The following YKT6 variants were observed in gnomAD, a reference collection of about 807,000 sequenced individuals.
YKT6 encodes synaptobrevin homolog YKT6.
A neutral mutation model predicts 29.3 loss-of-function variants in YKT6; 12 were observed. The ratio of observed to expected loss-of-function variants is 0.41; its 90% CI spans 0.26 to 0.66. YKT6 has a LOEUF of 0.66. Ranked by LOEUF, YKT6 falls within the 30% of genes least tolerant of loss-of-function variation. The probability of loss-of-function intolerance (pLI) is 0.32; values close to 1 mark genes in which losing one functional copy is unlikely to be tolerated. For synonymous variants in YKT6, 86 were observed against 94.3 expected (o/e 0.91, Z 0.51); for missense variants, 188 against 243.8 (o/e 0.77, Z 1.52).
chr7:44,210,077 GT>G (rs931137366), intron 5 of YKT6, among the ~76,000 whole-genome samples: 3 of 150,560 alleles, frequency 2.0e-5, no homozygotes, highest in African/African-American at 7.3e-5. Context: ...TATAAAACTT[GT>G]TTTTTTTTCA....
chr7:44,207,459 C>T lies in YKT6; in HGVS notation c.360C>T (p.Tyr120=), dbSNP rs753555118. Residue 120 remains tyrosine, a synonymous_variant, in exon 4 of 7, where the codon TAC becomes TAT. Transcript: ENST00000223369. ...WPVGSPATIH[Y]PALDGHLSRY... ...TAGGATCCCCTGCTACAATCCATTA[C>T]CCAGCCCTGGATGGTCACCTCAGTA... 1 of 1,614,120 alleles carries T rather than the reference C, an allele frequency of 6.2e-7. No homozygotes were observed. The highest frequency in any genetic ancestry group is 1.7e-5 in the Admixed American group (1 of 60,030).
intron 3 of YKT6, 97 bp downstream of exon 3, chr7:44,206,582 T>C: frequency 9.5e-7 from 1 of 1,057,192 alleles, no homozygotes; most frequent in South Asian, 1.3e-5. Flanking sequence ...ACATAAGGGA[T>C]GAAATGATGT....
In YKT6 at chr7:44,211,008, T is replaced by G. The variant is rs769225599; in HGVS notation, c.460-15T>G. 10 of 1,613,492 alleles carry G rather than the reference T, an allele frequency of 6.2e-6. No homozygotes were observed. The highest frequency in any genetic ancestry group is 8.5e-6 in the Non-Finnish European group (10 of 1,179,802). On this transcript the variant is annotated splice_polypyrimidine_tract_variant and intron_variant, in intron 5 of 6. Transcript: ENST00000223369. ...GTACTGAACAGAGCTGGATTCTCTTTTCTTTTTTGTCCAGCACAACACCAT... is the reference window on the plus strand; with the variant it reads ...GTACTGAACAGAGCTGGATTCTCTTGTCTTTTTTGTCCAGCACAACACCAT...
rs2096334596 is a variant in YKT6, at chr7:44,200,995, G to C, written c.-141G>C. On this transcript the variant is annotated 5_prime_UTR_variant, in exon 1 of 7. Transcript: ENST00000223369. Reference sequence around the variant, plus strand: ...CCGGAAGTGGATTGCGAGCCAGGAGGAGGAAGCCGGCGGTGGCCCCGTCAG... The same window carrying C: ...CCGGAAGTGGATTGCGAGCCAGGAGCAGGAAGCCGGCGGTGGCCCCGTCAG... 1.1e-5 allele frequency: 7 copies of C among 610,400 alleles called. No homozygotes were observed. In the South Asian group the frequency reaches 1.5e-4, roughly 13 times the overall value. The allele number at this position is 610,400 out of a possible 1,614,324, so 37.8% of individuals were successfully genotyped here. A position where few individuals can be genotyped will look rare whatever the true frequency, so the allele number is the denominator to read the frequency against.
chr7:44,208,310 C>T, intron 5 of YKT6, 112 bp downstream of exon 5: 1 of 1,208,800 alleles, frequency 8.3e-7, no homozygotes, highest in Non-Finnish European at 1.2e-6. Flanking sequence ...CCACGGCACT[C>T]TCCAGCAAGT....
intron 2 of YKT6, 28 bp from the exon 3 acceptor site, chr7:44,206,357 C>G: frequency 6.2e-7 from 1 of 1,607,596 alleles, no homozygotes; most frequent in Non-Finnish European, 8.5e-7. Context: ...ATGTCAGCAT[C>G]CATGTGTCTG....
At chr7:44,206,621 C>T in intron 3 of YKT6, 136 bp downstream of exon 3, 2 of 813,414 alleles carry the variant, frequency 2.5e-6, no homozygotes. Flanking sequence ...TTTCAGCCCC[C>T]TTCCCTGCAA....
chr7:44,211,711 C>A, intron 6 of YKT6: 1 of 729,774 alleles, frequency 1.4e-6, no homozygotes, highest in South Asian at 5.9e-5. Context: ...CTTTCATGTG[C>A]ACATTGGAGG....
chr7:44,205,668 A>G (rs975642088), intron 2 of YKT6, among the ~76,000 whole-genome samples: 4 of 152,088 alleles, frequency 2.6e-5, no homozygotes, highest in African/African-American at 9.7e-5. Flanking sequence ...TTCCTTGGGG[A>G]TATGGTTAGC....
In YKT6 at chr7:44,204,495, C is replaced by G. The variant is rs1380024924; in HGVS notation, c.105-73C>G. On this transcript the variant is annotated intron_variant, in intron 1 of 6. Transcript: ENST00000223369. ...GCAATGTCTACTTAATGTATAAGCC[C>G]AGAGGTCACTTTCCACTGTGTTGGG... 3 of 1,471,140 alleles carry G rather than the reference C, an allele frequency of 2.0e-6. No homozygotes were observed. In the Admixed American group the frequency reaches 5.4e-5, roughly 26 times the overall value. The allele number at this position is 1,471,140 out of a possible 1,614,324, so 91.1% of individuals were successfully genotyped here.
intron 1 of YKT6, among the ~76,000 whole-genome samples, chr7:44,204,062 C>T (rs2096338484): frequency 6.6e-6 from 1 of 152,184 alleles, no homozygotes; most frequent in South Asian, 2.1e-4. Flanking sequence ...GTTCTGTGGA[C>T]GAGCCCCAGC....
rs1259576767 is a variant in YKT6 at position 44,201,108 on chromosome 7, C to G, written c.-28C>G. ...CCTGAGAACGGGTCCCGCAGCTGGG[C>G]AGGCGGGCGGCCTGAGGGCGCGGAG... On this transcript the variant is annotated 5_prime_UTR_variant, in exon 1 of 7. Transcript: ENST00000223369. 1 of 1,546,182 alleles carries G rather than the reference C, an allele frequency of 6.5e-7. No individual in the cohort carries two copies. Among genetic ancestry groups the G allele is most frequent in the African/African-American group, 1.4e-5 (1 of 70,350 alleles).
chr7:44,202,363 G>C (rs1397952074), intron 1 of YKT6, among the ~76,000 whole-genome samples: 1 of 152,136 alleles, frequency 6.6e-6, no homozygotes, highest in Non-Finnish European at 1.5e-5. Flanking sequence ...TAGATTGATA[G>C]TGTTGTGCAG....
chr7:44,211,248 C>A, intron 6 of YKT6, 124 bp downstream of exon 6: 1 of 922,994 alleles, frequency 1.1e-6, no homozygotes. Flanking sequence ...GTGGATGATT[C>A]CTTGTGCGGC....
intron 3 of YKT6, 74 bp from the exon 4 acceptor site, chr7:44,207,313 AG>A: frequency 7.6e-6 from 10 of 1,323,192 alleles, no homozygotes; most frequent in Non-Finnish European, 9.7e-6. Context: ...TGAGGTGCTC[AG>A]GGGTGAAGCC....
chr7:44,208,338 C>T, intron 5 of YKT6, 140 bp downstream of exon 5: 1 of 848,366 alleles, frequency 1.2e-6, no homozygotes, highest in South Asian at 1.5e-5. Context: ...CCCACCCCTT[C>T]CCCCACCCCG....
Position 44,213,287 on chromosome 7 carries a change from C to G in YKT6, c.*1005C>G, listed in dbSNP as rs2096348860. 6.6e-6 allele frequency: 1 copy of G among 152,286 alleles called. No homozygotes were observed. Among genetic ancestry groups the G allele is most frequent in the South Asian group, 2.1e-4 (1 of 4,836 alleles). The allele number at this position is 152,286 out of a possible 1,614,324, so 9.4% of individuals were successfully genotyped here. On this transcript the variant is annotated 3_prime_UTR_variant, in exon 7 of 7. Transcript: ENST00000223369. ...GGCCTATGCATCTGAACAAGTGGGT[C>G]TCTCCCTTGAGCACCAGGAGTGGGT...
intron 3 of YKT6, among the ~76,000 whole-genome samples, chr7:44,207,118 C>T (rs2096341645): frequency 6.6e-6 from 1 of 152,122 alleles, no homozygotes; most frequent in African/African-American, 2.4e-5. Context: ...AATTCAAATA[C>T]CTTTATTACT....
At chr7:44,211,615 A>G (rs1412628839) in intron 6 of YKT6, 7 of 1,005,616 alleles carry the variant, frequency 7.0e-6, no homozygotes, top group Non-Finnish European at 7.1e-6. Context: ...GTCAGTGCTC[A>G]TGTCTTCCTA....
Sources: gnomAD v4.1 joint callset for allele counts (sites outside exome capture counted in the v4.1 genomes callset) on GRCh38, gnomAD v4.1.1 for gene constraint, MANE v1.5 for transcripts, NCBI Gene and HGNC (gene_info 2026-07-23, HGNC 2026-07-21) for gene names.